The following G3BP2 variants were observed in gnomAD, a reference collection of about 807,000 sequenced individuals.
G3BP2 encodes G3BP stress granule assembly factor 2.
A neutral mutation model predicts 56.7 loss-of-function variants in G3BP2; 11 were observed. The ratio of observed to expected loss-of-function variants is 0.19; its 90% CI spans 0.12 to 0.32. G3BP2 has a LOEUF of 0.32. Among genes scored for constraint, G3BP2 ranks in the 10% least tolerant of loss-of-function variants. G3BP2 has a pLI of 1.00. For missense variants in G3BP2, 340 were observed against 610.9 expected, an observed-to-expected ratio of 0.56 and a Z score of 4.67; for synonymous variants, 165 against 191.6, an observed-to-expected ratio of 0.86 and a Z score of 1.15.
At chr4:75,669,975 T>C (rs970744964) in intron 1 of G3BP2, among the ~76,000 whole-genome samples, 18 of 152,158 alleles carry the variant, frequency 1.2e-4, no homozygotes, top group African/African-American at 4.3e-4. Flanking sequence ...GCGCCTGTAA[T>C]CCCAGCTACT....
chr4:75,724,292 AG>A (rs1351681099), exon 1 of G3BP2: 1 of 154,298 alleles, frequency 6.5e-6, no homozygotes. Context: ...CGTTGGCCAA[AG>A]GAAAATTTCA....
chr4:75,680,955 A>G (rs1232839256), intron 3 of G3BP2, among the ~76,000 whole-genome samples: 2 of 149,138 alleles, frequency 1.3e-5, no homozygotes, highest in African/African-American at 4.9e-5. Flanking sequence ...CGACAGAGCA[A>G]GACCCCGTCT....
chr4:75,716,986 T>G (rs1300334190), intron 3 of G3BP2, among the ~76,000 whole-genome samples: 2 of 152,124 alleles, frequency 1.3e-5, no homozygotes, highest in Non-Finnish European at 2.9e-5. Flanking sequence ...TGGCAGAAAA[T>G]TATGTCCACA....
upstream of G3BP2, among the ~76,000 whole-genome samples, chr4:75,678,347 G>A (rs1159105216): frequency 6.6e-6 from 1 of 150,868 alleles, no homozygotes; most frequent in East Asian, 1.9e-4. Context: ...TGTGTACACA[G>A]GGTCTCATTA....
intron 3 of G3BP2, among the ~76,000 whole-genome samples, chr4:75,708,340 A>C (rs1719630558): frequency 6.6e-6 from 1 of 152,220 alleles, no homozygotes; most frequent in African/African-American, 2.4e-5. Flanking sequence ...AAGAGGGCCC[A>C]GTATGCATGA....
At chr4:75,695,992 AAAAAAAAAAG>A (rs71203847) in intron 3 of G3BP2, among the ~76,000 whole-genome samples, 30,385 of 133,178 alleles carry the variant, frequency 0.23, 4,543 homozygotes, top group Middle Eastern at 0.31. Flanking sequence ...AAAAAAAAAA[AAAAAAAAAAG>A]AGTTAACAGA....
At chr4:75,656,478 G>A (rs1732126891) in intron 5 of G3BP2, among the ~76,000 whole-genome samples, 1 of 151,948 alleles carries the variant, frequency 6.6e-6, no homozygotes, top group African/African-American at 2.4e-5. Context: ...ATATTTAATA[G>A]AGCAATAATG....
At chr4:75,696,619 C>T (rs1719130626) in intron 3 of G3BP2, among the ~76,000 whole-genome samples, 1 of 152,162 alleles carries the variant, frequency 6.6e-6, no homozygotes, top group African/African-American at 2.4e-5. Flanking sequence ...CTTTTTACTT[C>T]CCAGTGCCCA....
exon 1 of G3BP2, chr4:75,724,346 A>C: frequency 6.3e-6 from 1 of 158,926 alleles, no homozygotes; most frequent in South Asian, 1.5e-4. Context: ...GATAGCTTGC[A>C]GTAAGTCCCG....
Position 75,673,225 on chromosome 4 carries a change from G to A in G3BP2, c.-42C>T, listed in dbSNP as rs1351212477. The stretch of plus-strand genomic sequence containing the variant: ...GTACACACCTCCAGCCAACGGCGGC[G>A]GCGGGTACGTCGCGCGGAGGTCAGA... On this transcript the variant is annotated 5_prime_UTR_variant, in exon 1 of 12. Transcript: ENST00000359707. 3 of 1,214,150 alleles carry A rather than the reference G, an allele frequency of 2.5e-6. No homozygotes were observed. The highest frequency in any genetic ancestry group is 3.1e-5 in the African/African-American group (2 of 63,992). 75.2% of individuals were successfully genotyped at this position (1,214,150 alleles called of 1,614,324 possible).
chr4:75,693,196 A>T (rs1001181623), intron 3 of G3BP2, among the ~76,000 whole-genome samples: 7 of 152,136 alleles, frequency 4.6e-5, no homozygotes, highest in Admixed American at 4.6e-4. Context: ...GTGAGCCGAG[A>T]GCATGCCACT....
intron 1 of G3BP2, among the ~76,000 whole-genome samples, chr4:75,723,179 G>T (rs1445105625): frequency 6.6e-6 from 1 of 152,204 alleles, no homozygotes; most frequent in Non-Finnish European, 1.5e-5. Context: ...TGAGAAAAAT[G>T]CCCAGAGTAT....
upstream of G3BP2, among the ~76,000 whole-genome samples, chr4:75,676,202 A>G (rs535223811): frequency 6.6e-6 from 1 of 152,248 alleles, no homozygotes; most frequent in African/African-American, 2.4e-5. Flanking sequence ...CTGCCTCTCA[A>G]ACATAGCCTC....
chr4:75,650,357 C>T (rs1387886895), intron 8 of G3BP2, among the ~76,000 whole-genome samples: 9 of 140,892 alleles, frequency 6.4e-5, no homozygotes, highest in African/African-American at 2.2e-4. Flanking sequence ...TCACTTGAAC[C>T]TGGGAGGCGG....
chr4:75,720,304 G>C (rs941442179), intron 3 of G3BP2, among the ~76,000 whole-genome samples: 1 of 150,848 alleles, frequency 6.6e-6, no homozygotes, highest in Non-Finnish European at 1.5e-5. Context: ...CACGAGATGA[G>C]GAGATCGAGA....
At chr4:75,701,670 C>T (rs924330878) in intron 3 of G3BP2, among the ~76,000 whole-genome samples, 6 of 152,108 alleles carry the variant, frequency 3.9e-5, no homozygotes, top group Admixed American at 2.6e-4. Context: ...TCAGGTGATC[C>T]GCCCACCTCA....
intron 3 of G3BP2, among the ~76,000 whole-genome samples, chr4:75,658,313 T>G (rs1379838770): frequency 6.6e-6 from 1 of 151,970 alleles, no homozygotes; most frequent in Non-Finnish European, 1.5e-5. Context: ...CATACAAAAA[T>G]GATGTTTAAG....
chr4:75,714,986 G>A (rs1054518931), intron 3 of G3BP2, among the ~76,000 whole-genome samples: 17 of 152,152 alleles, frequency 1.1e-4, no homozygotes, highest in Admixed American at 1.1e-3. Context: ...ATTGCAGCAC[G>A]TGGTAATCCA....
chr4:75,719,885 G>C (rs1395884595), intron 3 of G3BP2, among the ~76,000 whole-genome samples: 3 of 151,884 alleles, frequency 2.0e-5, no homozygotes, highest in African/African-American at 7.3e-5. Flanking sequence ...TACCGTGCCC[G>C]GCCTGGTCTC....
Sources: allele counts gnomAD v4.1 joint callset (sites outside exome capture counted in the v4.1 genomes callset), GRCh38; gene constraint gnomAD v4.1.1; transcripts MANE v1.5; gene names NCBI Gene and HGNC (gene_info 2026-07-23, HGNC 2026-07-21).